The following MAPK14 variants were observed in gnomAD, a reference collection of about 807,000 sequenced individuals.
MAPK14 encodes CSAID-binding protein.
A neutral mutation model predicts 49.6 loss-of-function variants in MAPK14; 16 were observed. That is an observed-to-expected ratio of 0.32 (90% confidence interval 0.22 to 0.49). The LOEUF (loss-of-function observed/expected upper bound fraction) is 0.49, where lower values mean the gene tolerates loss of function less well. Among genes scored for constraint, MAPK14 ranks in the 20% least tolerant of loss-of-function variants. The probability of loss-of-function intolerance (pLI) is 0.99; values close to 1 mark genes in which losing one functional copy is unlikely to be tolerated. For synonymous variants in MAPK14, 142 were observed against 158.0 expected (o/e 0.90, Z 0.76); for missense variants, 200 against 441.2 (o/e 0.45, Z 4.90).
intron 8 of MAPK14, among the ~76,000 whole-genome samples, chr6:36,087,156 C>A (rs1179843343): frequency 2.0e-5 from 3 of 151,822 alleles, no homozygotes; most frequent in South Asian, 2.1e-4. Flanking sequence ...CAAAATAAGC[C>A]ATGTAAGACA....
rs75996247 is a variant in MAPK14 at position 36,028,483 on chromosome 6, C to G, written c.116+210C>G. 8.5e-4 allele frequency among the ~76,000 whole-genome samples: 130 copies of G among 152,348 alleles called. 1 individual carries two copies. The East Asian group carries it at 0.018, about 21-fold the overall frequency. ...TATGCGGTCCACCGTGTGCAGCACT[C>G]AGGTCCGCTGCGAGAGGTAGGTGGT... is the stretch of plus-strand genomic sequence containing the variant. On this transcript the variant is annotated intron_variant, in intron 1 of 11. Coordinates refer to ENST00000229794, the MANE Select transcript of MAPK14 (RefSeq NM_139012.3). The surrounding 1 kb of genome is among the most constrained non-coding windows in gnomAD (Gnocchi z 5.1).
At position 36,100,318 on chromosome 6, in the gene MAPK14, C is replaced by T. The variant is rs1239419939; in HGVS notation, c.763-2253C>T. On this transcript the variant is annotated intron_variant, in intron 9 of 11. Transcript: ENST00000229794. ...ATGTCGCACTGAGAAGCCACATTCTCATTTTATTGCCACCGTATAACCAAC... is the reference window on the plus strand; with the variant it reads ...ATGTCGCACTGAGAAGCCACATTCTTATTTTATTGCCACCGTATAACCAAC... 3.8e-6 allele frequency: 5 copies of T among 1,315,612 alleles called. No homozygotes were observed. The African/African-American group carries it at 5.8e-5, about 15-fold the overall frequency. The allele number at this position is 1,315,612 out of a possible 1,614,324, so 81.5% of individuals were successfully genotyped here. A position where few individuals can be genotyped will look rare whatever the true frequency, so the allele number is the denominator to read the frequency against.
At chr6:36,096,883 T>C (rs1321079343) in intron 9 of MAPK14, 2 of 152,244 alleles carry the variant, frequency 1.3e-5, no homozygotes, top group Non-Finnish European at 2.9e-5. Flanking sequence ...GCCAGAGGCA[T>C]GAGAGAAGCC....
At position 36,066,266 on chromosome 6, in the gene MAPK14, A is replaced by T. The variant is rs73407878; in HGVS notation, c.306-6607A>T. Among the ~76,000 whole-genome samples, 555 of 152,246 alleles carry T rather than the reference A, an allele frequency of 3.6e-3. 7 individuals carry two copies. The highest frequency in any genetic ancestry group is 0.012 in the African/African-American group (499 of 41,558). On this transcript the variant is annotated intron_variant, in intron 3 of 11. Transcript: ENST00000229794. ...TCTTTTGGCTCTAAACCTATTTCTC[A>T]TCACATTTTTCTGATCTAAGGCTAT...
chr6:36,093,266 A>G (rs1271082040), intron 8 of MAPK14, among the ~76,000 whole-genome samples: 1 of 152,164 alleles, frequency 6.6e-6, no homozygotes, highest in Non-Finnish European at 1.5e-5. Context: ...ATATTGTTTC[A>G]TGCCAGCAGA....
At chr6:36,051,918 T>G (rs1763414863) in intron 1 of MAPK14, among the ~76,000 whole-genome samples, 1 of 152,086 alleles carries the variant, frequency 6.6e-6, no homozygotes, top group Non-Finnish European at 1.5e-5. Context: ...AAGCTCTTTT[T>G]CTTATATATT....
At chr6:36,056,611 T>C (rs1032427079) in intron 2 of MAPK14, among the ~76,000 whole-genome samples, 4 of 152,230 alleles carry the variant, frequency 2.6e-5, no homozygotes, top group African/African-American at 9.6e-5. Flanking sequence ...TTGGAGTTTT[T>C]ATTTGAAAAT....
At chr6:36,037,804 G>A (rs1762808701) in intron 1 of MAPK14, among the ~76,000 whole-genome samples, 2 of 151,996 alleles carry the variant, frequency 1.3e-5, no homozygotes, top group South Asian at 4.2e-4. Flanking sequence ...TGGGAAAAAT[G>A]GGGAGGCTCC....
chr6:36,100,748 T>G (rs1017569138), intron 9 of MAPK14, among the ~76,000 whole-genome samples: 3 of 152,236 alleles, frequency 2.0e-5, no homozygotes, highest in African/African-American at 7.2e-5. Flanking sequence ...ATACAAACAC[T>G]TTGGTACAGT....
chr6:36,114,201 A>T (rs1411119509), downstream of MAPK14, among the ~76,000 whole-genome samples: 2 of 152,242 alleles, frequency 1.3e-5, no homozygotes, highest in Non-Finnish European at 2.9e-5. Flanking sequence ...CTTCTGGGGA[A>T]CAAAATCATC....
chr6:36,079,850 T>C (rs1764678802), intron 8 of MAPK14, among the ~76,000 whole-genome samples: 2 of 152,142 alleles, frequency 1.3e-5, no homozygotes, highest in African/African-American at 4.8e-5. Flanking sequence ...GCAGTAACGT[T>C]GTGGAGAAGA....
intron 3 of MAPK14, 123 bp from the exon 4 acceptor site, chr6:36,072,750 C>T (rs1465733339): frequency 1.1e-5 from 6 of 555,154 alleles, no homozygotes; most frequent in South Asian, 2.2e-5. Context: ...GGCAGTAGAG[C>T]GAGACTCCAT....
At chr6:36,053,212 G>A (rs1763470459) in intron 2 of MAPK14, among the ~76,000 whole-genome samples, 1 of 146,242 alleles carries the variant, frequency 6.8e-6, no homozygotes. Context: ...GCTATTAAAA[G>A]ACAAAATAGC....
At chr6:36,111,495 T>A (rs1045312579), downstream of MAPK14, among the ~76,000 whole-genome samples, 4 of 152,214 alleles carry the variant, frequency 2.6e-5, no homozygotes, top group Non-Finnish European at 5.9e-5. Context: ...AGAGAAGGTT[T>A]GGTTTGTATA....
chr6:36,029,316 G>A (rs1762443843), intron 1 of MAPK14, among the ~76,000 whole-genome samples: 1 of 152,172 alleles, frequency 6.6e-6, no homozygotes, highest in African/African-American at 2.4e-5. Context: ...AGGAAGGGAA[G>A]AGATACTTTT....
At chr6:36,118,558 G>A in the MAPK14 span, among the ~76,000 whole-genome samples, 1 of 152,202 alleles carries the variant, frequency 6.6e-6, no homozygotes, top group Non-Finnish European at 1.5e-5. Flanking sequence ...AGGGCTGCAT[G>A]TCCTCTTGGG....
intron 9 of MAPK14, chr6:36,097,664 T>C (rs1042309543): frequency 4.6e-5 from 7 of 152,160 alleles, no homozygotes; most frequent in Admixed American, 2.6e-4. Flanking sequence ...TATAGATACG[T>C]GCTATTAGTC....
chr6:36,065,813 G>A (rs567942129), intron 3 of MAPK14, among the ~76,000 whole-genome samples: 213 of 152,240 alleles, frequency 1.4e-3, no homozygotes, highest in African/African-American at 4.3e-3. Context: ...ACCAGAGGCA[G>A]TTTTCTCCTG....
At chr6:36,108,285 A>G in intron 11 of MAPK14, 95 bp from the exon 12 acceptor site, 1 of 895,758 alleles carries the variant, frequency 1.1e-6, no homozygotes, top group Admixed American at 1.8e-5. Flanking sequence ...CTACCTGGAC[A>G]GAGAGGAAGG....
Sources: allele counts gnomAD v4.1 joint callset (sites outside exome capture counted in the v4.1 genomes callset), GRCh38; gene constraint gnomAD v4.1.1; non-coding constraint Gnocchi (gnomAD v3.1); transcripts MANE v1.5; gene names NCBI Gene and HGNC (gene_info 2026-07-23, HGNC 2026-07-21).